HTR2C: variants seen among roughly 807,000 people sequenced by gnomAD.
HTR2C encodes the protein 5-hydroxytryptamine receptor 2C.
In HTR2C, 5 loss-of-function variants were observed where a neutral mutation model predicts 21.0. The ratio of observed to expected loss-of-function variants is 0.24; its 90% CI spans 0.12 to 0.50. The LOEUF (loss-of-function observed/expected upper bound fraction) is 0.50, where lower values mean the gene tolerates loss of function less well. Among genes scored for constraint, HTR2C ranks in the 20% least tolerant of loss-of-function variants. The pLI, the probability that HTR2C is intolerant of heterozygous loss-of-function variation, is 0.98. For missense variants in HTR2C, 271 were observed against 371.2 expected (o/e 0.73, Z 2.22); for synonymous variants, 150 against 145.3 (o/e 1.03, Z -0.23).
intron 2 of HTR2C, among the ~76,000 whole-genome samples, chrX:114,692,113 G>A (rs1602691396): frequency 9.0e-6 from 1 of 111,575 alleles, no homozygotes; most frequent in South Asian, 3.7e-4. Context: ...GACAATCCCA[G>A]AAAAAGCATT....
intron 4 of HTR2C, among the ~76,000 whole-genome samples, chrX:114,756,128 C>A (rs868923789): frequency 9.1e-6 from 1 of 109,368 alleles, no homozygotes; most frequent in African/African-American, 3.3e-5. Context: ...TACAAAACAA[C>A]CCCCCCCAAA....
chrX:114,743,387 T>C (rs1166053256), intron 4 of HTR2C, among the ~76,000 whole-genome samples: 1 of 111,639 alleles, frequency 9.0e-6, no homozygotes, highest in Non-Finnish European at 1.9e-5. Flanking sequence ...TAGTAATGAA[T>C]AGAAATTAAT....
chrX:114,724,643 A>G (rs1182820318), intron 2 of HTR2C, among the ~76,000 whole-genome samples: 3 of 100,245 alleles, frequency 3.0e-5, no homozygotes, highest in South Asian at 5.4e-4. Flanking sequence ...TGATTTTGCA[A>G]TGGCTGGTAC....
At chrX:114,593,248 T>C (rs1189209924) in intron 1 of HTR2C, among the ~76,000 whole-genome samples, 2 of 111,687 alleles carry the variant, frequency 1.8e-5, no homozygotes, top group Admixed American at 9.5e-5. Context: ...TACATGGCAC[T>C]TAGCACATTG....
At position 114,718,867 on chromosome X, in the gene HTR2C, AAC is replaced by A. The variant is rs782021497; in HGVS notation, c.-79-7985_-79-7984del. ...GTATGACTACACAAAGTAACACAGA[AAC>A]ACACAAATGTTATATAAGTTGGTTG... On this transcript the variant is annotated intron_variant, in intron 2 of 5. Coordinates refer to ENST00000276198, the MANE Select transcript of HTR2C (RefSeq NM_000868.4). Among the ~76,000 whole-genome samples the A allele has an allele frequency of 7.5e-3, 789 of 105,483 alleles. 14 individuals carry two copies. Among genetic ancestry groups the A allele is most frequent in the African/African-American group, 0.025 (741 of 29,296 alleles). The allele number at this position is 105,483 out of a possible 115,157, so 91.6% of individuals were successfully genotyped here.
At chrX:114,661,850 T>C (rs1931000958) in intron 2 of HTR2C, among the ~76,000 whole-genome samples, 1 of 111,881 alleles carries the variant, frequency 8.9e-6, no homozygotes, top group Admixed American at 9.5e-5. Flanking sequence ...AAGCAAGTCT[T>C]ACGTTTCCTA....
chrX:114,676,675 CAT>C (rs782275371), intron 2 of HTR2C, among the ~76,000 whole-genome samples: 3 of 112,303 alleles, frequency 2.7e-5, no homozygotes, highest in East Asian at 2.8e-4. Flanking sequence ...TGTGGGATAT[CAT>C]GTGTCAAAAA....
At chrX:114,804,888 T>C (rs1423909822) in intron 4 of HTR2C, among the ~76,000 whole-genome samples, 1 of 112,006 alleles carries the variant, frequency 8.9e-6, no homozygotes, top group Non-Finnish European at 1.9e-5. Flanking sequence ...CACCTAGATC[T>C]AAAATCCAGG....
At chrX:114,807,293 A>C (rs1242279548) in intron 4 of HTR2C, among the ~76,000 whole-genome samples, 2 of 106,245 alleles carry the variant, frequency 1.9e-5, no homozygotes, top group Non-Finnish European at 3.9e-5. Context: ...CACCATATAT[A>C]TACCATGTAT....
At chrX:114,703,634 C>T (rs1158376227) in intron 2 of HTR2C, among the ~76,000 whole-genome samples, 1 of 111,722 alleles carries the variant, frequency 9.0e-6, no homozygotes, top group East Asian at 2.8e-4. Flanking sequence ...GACACCCTAA[C>T]ATCACAATTA....
chrX:114,865,248 C>A (rs1224325213), intron 5 of HTR2C, among the ~76,000 whole-genome samples: 9 of 111,890 alleles, frequency 8.0e-5, no homozygotes, highest in Non-Finnish European at 1.1e-4. Context: ...GTTTTTATTG[C>A]AGCATAGTAT....
intron 2 of HTR2C, among the ~76,000 whole-genome samples, chrX:114,721,994 G>T (rs373761798): frequency 9.2e-6 from 1 of 108,592 alleles, no homozygotes; most frequent in African/African-American, 3.4e-5. Context: ...TTGACTTGGC[G>T]ATGCAGGCTC....
At chrX:114,673,887 T>C (rs1418771772) in intron 2 of HTR2C, among the ~76,000 whole-genome samples, 1 of 111,876 alleles carries the variant, frequency 8.9e-6, no homozygotes, top group Non-Finnish European at 1.9e-5. Flanking sequence ...AACTAAAATC[T>C]TCAGTCTGTA....
chrX:114,776,376 A>T, intron 4 of HTR2C: 1 of 734,309 alleles, frequency 1.4e-6, no homozygotes, highest in Non-Finnish European at 2.1e-6. Flanking sequence ...TTCCCAAGGT[A>T]GGCTTCTGCA....
intron 4 of HTR2C, among the ~76,000 whole-genome samples, chrX:114,777,243 C>T (rs1475223629): frequency 9.0e-6 from 1 of 111,515 alleles, no homozygotes; most frequent in Non-Finnish European, 1.9e-5. Context: ...CTAAGACATG[C>T]TTTAGTCTGA....
At chrX:114,866,613 G>A (rs868918829) in intron 5 of HTR2C, among the ~76,000 whole-genome samples, 1 of 83,553 alleles carries the variant, frequency 1.2e-5, no homozygotes, top group South Asian at 5.6e-4. Flanking sequence ...ATTTTTTTTT[G>A]TACCCGTTAA....
chrX:114,676,595 A>G (rs1379252907), intron 2 of HTR2C, among the ~76,000 whole-genome samples: 2 of 112,578 alleles, frequency 1.8e-5, no homozygotes, highest in African/African-American at 6.5e-5. Context: ...GAATTGTAAT[A>G]CACATATTTT....
intron 5 of HTR2C, among the ~76,000 whole-genome samples, chrX:114,904,748 C>G (rs782138232): frequency 9.0e-6 from 1 of 110,966 alleles, no homozygotes; most frequent in Non-Finnish European, 1.9e-5. Context: ...CAGACTAATC[C>G]GTCACTAAAA....
chrX:114,812,216 A>G (rs1473337995), intron 4 of HTR2C, among the ~76,000 whole-genome samples: 3 of 109,227 alleles, frequency 2.7e-5, no homozygotes, highest in Non-Finnish European at 5.7e-5. Flanking sequence ...TTACTATTCT[A>G]TGAGTGATTA....
Sources: gnomAD v4.1 joint callset for allele counts (sites outside exome capture counted in the v4.1 genomes callset) on GRCh38, gnomAD v4.1.1 for gene constraint, MANE v1.5 for transcripts, NCBI Gene and HGNC (gene_info 2026-07-23, HGNC 2026-07-21) for gene names.